The following GRIA3 variants were observed in gnomAD, a reference collection of about 807,000 sequenced individuals.
The protein encoded by GRIA3 is glutamate ionotropic receptor AMPA type subunit 3, also known as glutamate receptor 3.
GRIA3 carries 3 observed loss-of-function variants against 63.0 expected under a neutral mutation model. The observed-to-expected ratio is 0.05, with a 90% CI of 0.02 to 0.12. The LOEUF is 0.12. Ranked by LOEUF, GRIA3 falls within the 10% of genes least tolerant of loss-of-function variation. The pLI is 1.00. For missense variants in GRIA3, 347 were observed against 700.9 expected (o/e 0.50, Z 5.70); for synonymous variants, 274 against 257.9 (o/e 1.06, Z -0.60).
At chrX:123,419,618 G>A (rs1037893455) in intron 11 of GRIA3, among the ~76,000 whole-genome samples, 1 of 111,047 alleles carries the variant, frequency 9.0e-6, no homozygotes, top group Admixed American at 9.6e-5. Context: ...GTATCAGGGT[G>A]AGGCAAGTGA....
At chrX:123,362,510 A>G (rs1314022722) in intron 5 of GRIA3, among the ~76,000 whole-genome samples, 1 of 111,323 alleles carries the variant, frequency 9.0e-6, no homozygotes, top group Non-Finnish European at 1.9e-5. Context: ...AACAGTCAGA[A>G]GGCAATTTTG....
At chrX:123,253,752 G>A in intron 3 of GRIA3, 1 of 401,392 alleles carries the variant, frequency 2.5e-6, no homozygotes, top group Non-Finnish European at 4.3e-6. Context: ...GGCCCTCCCT[G>A]AAAAAGCAGT....
intron 13 of GRIA3, among the ~76,000 whole-genome samples, chrX:123,476,367 TG>T (rs1027254386): frequency 9.0e-6 from 1 of 111,582 alleles, no homozygotes; most frequent in Non-Finnish European, 1.9e-5. Context: ...TAAGAGTGTG[TG>T]TGTGTGTTGG....
intron 4 of GRIA3, among the ~76,000 whole-genome samples, chrX:123,344,856 A>C (rs140357082): frequency 3.1e-3 from 340 of 111,154 alleles, no homozygotes; most frequent in Non-Finnish European, 4.9e-3. Flanking sequence ...CTGCTTTTAG[A>C]TTTTCAAAGT....
At chrX:123,431,943 T>C (rs1056974567) in intron 12 of GRIA3, among the ~76,000 whole-genome samples, 1 of 111,932 alleles carries the variant, frequency 8.9e-6, no homozygotes, top group African/African-American at 3.2e-5. Context: ...TAAGTATAGA[T>C]TTACTTTTTT....
intron 5 of GRIA3, among the ~76,000 whole-genome samples, chrX:123,374,595 G>A (rs2045271989): frequency 9.0e-6 from 1 of 111,590 alleles, no homozygotes. Flanking sequence ...TGGATTCCTA[G>A]GTATTTTATT....
chrX:123,210,893 T>G (rs1983998931), intron 2 of GRIA3, among the ~76,000 whole-genome samples: 1 of 112,148 alleles, frequency 8.9e-6, no homozygotes, highest in African/African-American at 3.2e-5. Context: ...AATATCCTGT[T>G]GCTTATTATT....
chrX:123,398,879 G>A, intron 7 of GRIA3, 76 bp downstream of exon 7: 1 of 825,464 alleles, frequency 1.2e-6, no homozygotes, highest in East Asian at 3.2e-5. Context: ...GATCTTGAGA[G>A]AAGACATACT....
intron 3 of GRIA3, among the ~76,000 whole-genome samples, chrX:123,322,811 C>T (rs776482429): frequency 1.8e-5 from 2 of 112,113 alleles, no homozygotes; most frequent in Non-Finnish European, 3.8e-5. Context: ...TTCTGACTTG[C>T]TCAAAAAATG....
chrX:123,312,691 A>C (rs1424070543), intron 3 of GRIA3, among the ~76,000 whole-genome samples: 1 of 112,326 alleles, frequency 8.9e-6, no homozygotes, highest in Non-Finnish European at 1.9e-5. Flanking sequence ...AAGAGCCCTT[A>C]AGGAAGTCAC....
chrX:123,424,915 T>G, intron 11 of GRIA3, among the ~76,000 whole-genome samples: 1 of 111,810 alleles, frequency 8.9e-6, no homozygotes, highest in South Asian at 3.8e-4. Flanking sequence ...CATTGTCAAG[T>G]AGACAATGCA....
intron 5 of GRIA3, among the ~76,000 whole-genome samples, chrX:123,362,645 C>T (rs1352769241): frequency 9.3e-6 from 1 of 107,596 alleles, no homozygotes; most frequent in Admixed American, 1.0e-4. Flanking sequence ...CTGATTTATG[C>T]TTTTTTAAAA....
At chrX:123,453,349 C>G (rs2045744210) in intron 12 of GRIA3, among the ~76,000 whole-genome samples, 1 of 109,108 alleles carries the variant, frequency 9.2e-6, no homozygotes, top group African/African-American at 3.3e-5. Context: ...AAAGAGAACA[C>G]TTGGACACAG....
At chrX:123,445,353 G>T (rs73541970) in intron 12 of GRIA3, among the ~76,000 whole-genome samples, 3 of 111,109 alleles carry the variant, frequency 2.7e-5, no homozygotes, top group African/African-American at 6.6e-5. Flanking sequence ...ATAAGGCTAG[G>T]GTTCAATATT....
At position 123,446,902 on chromosome X, in the gene GRIA3, G is replaced by A. The variant is rs190855626; in HGVS notation, c.2077-17963G>A. Among the ~76,000 whole-genome samples, 8 of 111,501 alleles carry A rather than the reference G, an allele frequency of 7.2e-5. No homozygotes were observed. The East Asian group carries it at 2.2e-3, about 31-fold the overall frequency. On this transcript the variant is annotated intron_variant, in intron 12 of 15. Transcript: ENST00000620443. ...TATTAATGGCCCACTCCACTTTTCT[G>A]GAATAACAAAATATATTAATAATAA...
chrX:123,231,718 G>A (rs762366711), intron 2 of GRIA3, among the ~76,000 whole-genome samples: 1 of 110,680 alleles, frequency 9.0e-6, no homozygotes, highest in East Asian at 2.9e-4. Context: ...GGAGGTCTGA[G>A]GGAAGAGAAC....
chrX:123,256,265 T>C (rs1035907877), intron 3 of GRIA3, among the ~76,000 whole-genome samples: 3 of 111,861 alleles, frequency 2.7e-5, no homozygotes, highest in African/African-American at 9.8e-5. Flanking sequence ...CACATAGATA[T>C]AGTTAGATAT....
At chrX:123,256,772 T>C (rs182843661) in intron 3 of GRIA3, among the ~76,000 whole-genome samples, 3 of 111,706 alleles carry the variant, frequency 2.7e-5, no homozygotes, top group East Asian at 5.6e-4. Context: ...CTGTAGAGAA[T>C]GGAGTGTGGT....
intron 10 of GRIA3, among the ~76,000 whole-genome samples, chrX:123,412,036 C>T (rs1377190831): frequency 8.9e-6 from 1 of 111,742 alleles, no homozygotes; most frequent in South Asian, 3.8e-4. Context: ...CAGCCTACAG[C>T]TGGCTTTCAT....
Sources: allele counts gnomAD v4.1 joint callset (sites outside exome capture counted in the v4.1 genomes callset), GRCh38; gene constraint gnomAD v4.1.1; transcripts MANE v1.5; gene names NCBI Gene and HGNC (gene_info 2026-07-23, HGNC 2026-07-21).